The following NEB variants were observed in gnomAD, a reference collection of about 807,000 sequenced individuals.
The protein encoded by NEB is nebulin.
In NEB, 512 loss-of-function variants were observed where a neutral mutation model predicts 952.2. That is an observed-to-expected ratio of 0.54 (90% CI 0.50 to 0.58). The LOEUF is 0.58. NEB is among the 20% of genes least tolerant of loss of function. The pLI, the probability that NEB is intolerant of heterozygous loss-of-function variation, is 0.00. For missense variants in NEB, 8,428 were observed against 9,231.1 expected (o/e 0.91, Z 3.56); for synonymous variants, 2,900 against 3,149.8 (o/e 0.92, Z 2.66).
At chr2:151,639,165 T>A in intron 63 of NEB, 115 bp downstream of exon 63, 1 of 779,472 alleles carries the variant, frequency 1.3e-6, no homozygotes. Flanking sequence ...GAGTTGTTAT[T>A]CACATGAAAC....
In NEB at chr2:151,609,946, A is replaced by T. The variant is rs768643787; in HGVS notation, c.12193T>A (p.Leu4065Ile). Residue 4065 changes from leucine to isoleucine, a missense_variant, in exon 81 of 182, where the codon TTA becomes ATA. Leu to Ile is a conservative substitution (Grantham distance 5). Coordinates refer to ENST00000397345, the MANE Select transcript of NEB (RefSeq NM_001164508.2). ...KTKFSSPVDM[L>I]SILLAKKCQT... ...CATTTCTTGGCCAGCAAGATGCTTAACATGTCCACTGGGCTAGAGAACTTG... is the reference window on the plus strand; with the variant it reads ...CATTTCTTGGCCAGCAAGATGCTTATCATGTCCACTGGGCTAGAGAACTTG... 4.3e-6 allele frequency: 7 copies of T among 1,613,892 alleles called. No individual in the cohort carries two copies. In the South Asian group the frequency reaches 6.6e-5, roughly 15 times the overall value.
intron 70 of NEB, among the ~76,000 whole-genome samples, chr2:151,625,988 T>C (rs567416438): frequency 6.6e-6 from 1 of 152,226 alleles, no homozygotes; most frequent in South Asian, 2.1e-4. Context: ...ATGACTATAT[T>C]AACAAATCCT....
chr2:151,631,109 C>T (rs2098658665), intron 66 of NEB, 34 bp downstream of exon 66: 2 of 1,609,180 alleles, frequency 1.2e-6, no homozygotes, highest in South Asian at 2.2e-5. Flanking sequence ...CATCTTCTGG[C>T]ATCTTGGAGA....
intron 58 of NEB, 28 bp from the exon 59 acceptor site, chr2:151,642,897 T>A (rs2098898467): frequency 6.6e-7 from 1 of 1,506,672 alleles, no homozygotes; most frequent in African/African-American, 1.4e-5. Flanking sequence ...ACATGACTGG[T>A]ATAGGCCAGT....
chr2:151,553,756 T>G, intron 126 of NEB, 72 bp downstream of exon 126: 1 of 1,393,512 alleles, frequency 7.2e-7, no homozygotes, highest in Non-Finnish European at 9.7e-7. Context: ...AAGAAATGGG[T>G]GAGTTTGCTG....
rs1361643109 is a variant in NEB, at chr2:151,643,870, G to A, written c.7904C>T (p.Pro2635Leu). Residue 2635 changes from proline (P) to leucine (L), a missense_variant, in exon 57 of 182, where the codon CCC becomes CTC. This residue lies in a region of NEB where 1,772 missense variants were observed against 1,960.3 expected (regional missense o/e 0.90). Transcript: ENST00000397345. Reference sequence around the variant, plus strand: ...AGCATGGATGACATCGCTCTGGTCGGGCAGGCATGTCCACTGGTGCAGGTA... The same window carrying A: ...AGCATGGATGACATCGCTCTGGTCGAGCAGGCATGTCCACTGGTGCAGGTA... ...KNYLHQWTCLPDQSDVIHARQ... is the reference protein window; with the variant it reads ...KNYLHQWTCLLDQSDVIHARQ... The A allele has an allele frequency of 6.2e-7, 1 of 1,614,018 alleles. No individual in the cohort carries two copies. Among genetic ancestry groups the A allele is most frequent in the Admixed American group, 1.7e-5 (1 of 60,026 alleles).
intron 23 of NEB, 101 bp from the exon 24 acceptor site, chr2:151,690,926 T>C: frequency 1.2e-6 from 1 of 836,636 alleles, no homozygotes; most frequent in Non-Finnish European, 2.0e-6. Context: ...TTTATTTTGT[T>C]CCTGAAAACT....
intron 20 of NEB, 136 bp from the exon 21 acceptor site, chr2:151,692,498 A>G (rs750778420): frequency 2.7e-6 from 2 of 728,528 alleles, no homozygotes; most frequent in Non-Finnish European, 4.9e-6. Flanking sequence ...TCCACAAAGC[A>G]GAAAAGCAGA....
At chr2:151,699,009 T>C (rs200323882) in intron 13 of NEB, among the ~76,000 whole-genome samples, 67,596 of 100,050 alleles carry the variant, frequency 0.68, 23,611 homozygotes, top group Non-Finnish European at 0.79. Flanking sequence ...CCCAATGCTA[T>C]CCCTCCCCCC....
At chr2:151,503,229 C>A in intron 166 of NEB, 120 bp downstream of exon 166, 2 of 744,362 alleles carry the variant, frequency 2.7e-6, no homozygotes, top group South Asian at 1.7e-5. Flanking sequence ...GGTAATAATA[C>A]ACAACACACA....
In NEB at chr2:151,627,562, A is replaced by G. The variant is rs780193682; in HGVS notation, c.10104T>C (p.Asp3368=). 6.2e-7 allele frequency: 1 copy of G among 1,614,022 alleles called. No homozygotes were observed. The highest frequency in any genetic ancestry group is 1.3e-5 in the African/African-American group (1 of 75,066). The change falls in exon 69 of 182, where the codon GAT becomes GAC. Residue 3368 remains aspartate, a synonymous_variant. Coordinates refer to ENST00000397345, the MANE Select transcript of NEB (RefSeq NM_001164508.2). ...HEWTCLPDQN[D]VIHARQAYDL... ...CATAGGCCTGCCGAGCATGGATGAC[A>G]TCATTCTGGTCGGGCAGGCACGTCC...
At position 151,562,714 on chromosome 2, in the gene NEB, A is replaced by G; in HGVS notation, c.18788T>C (p.Ile6263Thr). Residue 6263 changes from isoleucine to threonine, a missense_variant, in exon 120 of 182, where the codon ATC (isoleucine) becomes ACC (threonine). By Grantham distance (89) the Ile-to-Thr change is moderately conservative. This residue lies in a region of NEB where 3,374 missense variants were observed against 3,651.5 expected (regional missense o/e 0.92). Coordinates refer to ENST00000397345, the MANE Select transcript of NEB (RefSeq NM_001164508.2). ...GTGTCGATACTCCAGGTCACTGAGG[A>G]TGTACTGGCACCTTTTAGCCAGCAC... Reference protein sequence around the residue: ...NHVLAKRCQYILSDLEYRHYF... With the variant: ...NHVLAKRCQYTLSDLEYRHYF... 6.2e-7 allele frequency: 1 copy of G among 1,606,986 alleles called. No homozygotes were observed. The highest frequency in any genetic ancestry group is 8.5e-7 in the Non-Finnish European group (1 of 1,176,170).
At chr2:151,573,524 T>A (rs1024908339) in intron 107 of NEB, among the ~76,000 whole-genome samples, 1 of 152,086 alleles carries the variant, frequency 6.6e-6, no homozygotes, top group Non-Finnish European at 1.5e-5. Flanking sequence ...AAAGAGAAAA[T>A]ACATCAGCGC....
At chr2:151,561,964 A>G (rs764691762) in intron 121 of NEB, 146 bp downstream of exon 121, 4 of 660,936 alleles carry the variant, frequency 6.1e-6, no homozygotes, top group Non-Finnish European at 1.1e-5. Context: ...GGACACTAGA[A>G]GAGCTTTGAT....
At chr2:151,540,529 G>C in intron 137 of NEB, 81 bp from the exon 138 acceptor site, 2 of 1,179,844 alleles carry the variant, frequency 1.7e-6, no homozygotes, top group Non-Finnish European at 2.5e-6. Context: ...GTCTTGTGGA[G>C]GGGCACAATG....
At chr2:151,664,663 G>T (rs927540912) in intron 43 of NEB, 55 bp from the exon 44 acceptor site, 2 of 1,535,496 alleles carry the variant, frequency 1.3e-6, no homozygotes, top group Non-Finnish European at 1.8e-6. Context: ...TAGAATAGAG[G>T]TCCTGACTAC....
rs1251267224 is a variant in NEB, at chr2:151,620,428, A to G, written c.10560+491T>C. Among the ~76,000 whole-genome samples, 4 of 147,506 alleles carry G rather than the reference A, an allele frequency of 2.7e-5. No individual in the cohort carries two copies. The East Asian group carries it at 7.9e-4, about 29-fold the overall frequency. ...TTTAAACATTTAAAAACCTATAAAA[A>G]TGAACAATTTTACTACTCTTGGATT... On this transcript the variant is annotated intron_variant, in intron 72 of 181. Transcript: ENST00000397345.
At position 151,551,802 on chromosome 2, in the gene NEB, A is replaced by G; in HGVS notation, c.19880T>C (p.Val6627Ala). 6.2e-7 allele frequency: 1 copy of G among 1,613,458 alleles called. No homozygotes were observed. Among genetic ancestry groups the G allele is most frequent in the Non-Finnish European group, 8.5e-7 (1 of 1,179,634 alleles). ...YDYVHSVRGKVAPTTKTVDLD... is the reference protein window; with the variant it reads ...YDYVHSVRGKAAPTTKTVDLD... ...ATCCACGGTTTTGGTAGTTGGAGCC[A>G]CTTTGCCTCTGACACTGTGCACATA... Residue 6627 changes from valine to alanine, a missense_variant, in exon 129 of 182, where the codon GTG becomes GCG. By Grantham distance (64) the Val-to-Ala change is moderately conservative. This residue lies in a region of NEB where 3,374 missense variants were observed against 3,651.5 expected (regional missense o/e 0.92). Transcript: ENST00000397345.
At chr2:151,711,870 C>T (rs1259892046) in intron 10 of NEB, among the ~76,000 whole-genome samples, 7 of 151,934 alleles carry the variant, frequency 4.6e-5, no homozygotes, top group East Asian at 3.9e-4. Flanking sequence ...ATTGTATGTG[C>T]GGGGAGGGAA....
Sources: allele counts gnomAD v4.1 joint callset (sites outside exome capture counted in the v4.1 genomes callset), GRCh38; gene constraint gnomAD v4.1.1; regional missense constraint gnomAD v4.1.1; transcripts MANE v1.5; gene names NCBI Gene and HGNC (gene_info 2026-07-23, HGNC 2026-07-21).